The following ANK3 variants were observed in gnomAD, a reference collection of about 807,000 sequenced individuals.
ANK3 encodes the protein ankyrin 3.
ANK3 carries 57 observed loss-of-function variants against 370.9 expected under a neutral mutation model. That is an observed-to-expected ratio of 0.15 (90% CI 0.12 to 0.19). The LOEUF (loss-of-function observed/expected upper bound fraction) is 0.19. Ranked by LOEUF, ANK3 falls within the 10% of genes least tolerant of loss-of-function variation. The pLI, the probability that ANK3 is intolerant of heterozygous loss-of-function variation, is 1.00. For missense variants in ANK3, 4,439 were observed against 5,302.1 expected (o/e 0.84, Z 5.06); for synonymous variants, 1,929 against 1,946.3 (o/e 0.99, Z 0.23).
chr10:60,495,981 CTT>C (rs68150962), intron 2 of ANK3, among the ~76,000 whole-genome samples: 1 of 147,580 alleles, frequency 6.8e-6, no homozygotes, highest in African/African-American at 2.5e-5. Flanking sequence ...TTTCATTTTT[CTT>C]TTTTTTTTTT....
At chr10:60,463,326 T>G (rs1350137984) in intron 2 of ANK3, among the ~76,000 whole-genome samples, 1 of 152,174 alleles carries the variant, frequency 6.6e-6, no homozygotes, top group Non-Finnish European at 1.5e-5. Context: ...GATCTTGTTA[T>G]GGTATTTTTG....
At position 60,388,557 on chromosome 10, in the gene ANK3, T is replaced by C. The variant is rs189164704; in HGVS notation, c.114+868A>G. Among the ~76,000 whole-genome samples the C allele has an allele frequency of 6.0e-3, 916 of 152,286 alleles. 4 individuals carry two copies. Among genetic ancestry groups the C allele is most frequent in the Middle Eastern group, 0.01 (3 of 294 alleles). On this transcript the variant is annotated intron_variant, in intron 1 of 43. Transcript: ENST00000280772. ...TTAATTATCATGGAGGAAAAGTGCT[T>C]TGGGGTCTTACTCCCAGCTCAGTAC...
intron 23 of ANK3, among the ~76,000 whole-genome samples, chr10:60,157,335 C>CCT (rs1256172341): frequency 0.064 from 7,708 of 121,056 alleles, 584 homozygotes; most frequent in African/African-American, 0.2. Context: ...CTGTGCCCGG[C>CCT]TTTTTTTTTT....
intron 26 of ANK3, chr10:60,111,602 T>C: frequency 3.3e-6 from 1 of 302,600 alleles, no homozygotes; most frequent in African/African-American, 2.2e-5. Context: ...TACATGAATG[T>C]TTCTAGTTTT....
At chr10:60,043,194 A>G in intron 42 of ANK3, 1 of 987,574 alleles carries the variant, frequency 1.0e-6, no homozygotes, top group Middle Eastern at 5.2e-4. Context: ...ATTGCCAATG[A>G]CTTCCTCTTA....
In ANK3 at chr10:60,583,633, G is replaced by A. The variant is rs1173253484; in HGVS notation, c.96+31553C>T. 2.6e-5 allele frequency among the ~76,000 whole-genome samples: 4 copies of A among 151,156 alleles called. No individual in the cohort carries two copies. The East Asian group carries it at 5.9e-4, about 22-fold the overall frequency. ...AGTGGCGCTCCAGTTCTGTCACCCAGGTTGCAGTGGCACGATCTTGGCTCA... is the reference window on the plus strand; with the variant it reads ...AGTGGCGCTCCAGTTCTGTCACCCAAGTTGCAGTGGCACGATCTTGGCTCA... On this transcript the variant is annotated intron_variant, in intron 2 of 43. Transcript: ENST00000373827.
At chr10:60,392,675 T>TGG (rs2063136955), upstream of ANK3, among the ~76,000 whole-genome samples, 1 of 152,154 alleles carries the variant, frequency 6.6e-6, no homozygotes, top group Non-Finnish European at 1.5e-5. Context: ...ATGCCTATAA[T>TGG]CCCAGCACTT....
At chr10:60,049,227 G>T (rs894871900) in intron 42 of ANK3, among the ~76,000 whole-genome samples, 5 of 152,140 alleles carry the variant, frequency 3.3e-5, no homozygotes, top group African/African-American at 1.2e-4. Context: ...TTTATACAAT[G>T]CCTTCCTCAG....
At chr10:60,218,390 A>G (rs192140847) in intron 8 of ANK3, among the ~76,000 whole-genome samples, 8 of 151,748 alleles carry the variant, frequency 5.3e-5, no homozygotes, top group Non-Finnish European at 8.8e-5. Flanking sequence ...TAGTCTTTAT[A>G]TTTTGTCATG....
chr10:60,724,176 C>G (rs1458193702), intron 1 of ANK3, among the ~76,000 whole-genome samples: 1 of 128,696 alleles, frequency 7.8e-6, no homozygotes, highest in Non-Finnish European at 1.6e-5. Flanking sequence ...CGCCACTGCA[C>G]TCCAGCCTGG....
At chr10:60,289,095 A>C (rs1272268923) in intron 1 of ANK3, among the ~76,000 whole-genome samples, 1 of 152,102 alleles carries the variant, frequency 6.6e-6, no homozygotes, top group Non-Finnish European at 1.5e-5. Flanking sequence ...TGTGATAAGA[A>C]GACCTAGGGG....
chr10:60,730,355 G>A (rs1326554392), intron 1 of ANK3, among the ~76,000 whole-genome samples: 2 of 151,958 alleles, frequency 1.3e-5, no homozygotes, highest in African/African-American at 4.8e-5. Context: ...ACAGGGTCTC[G>A]CTATATTACC....
At chr10:60,468,072 C>T (rs1266116786) in intron 2 of ANK3, among the ~76,000 whole-genome samples, 2 of 151,264 alleles carry the variant, frequency 1.3e-5, no homozygotes, top group Non-Finnish European at 2.9e-5. Flanking sequence ...GCAATCTCCG[C>T]CTCCTGGGTT....
At chr10:60,687,314 A>G (rs1374714823) in intron 1 of ANK3, among the ~76,000 whole-genome samples, 2 of 152,228 alleles carry the variant, frequency 1.3e-5, no homozygotes, top group Non-Finnish European at 2.9e-5. Flanking sequence ...TCTCCAAAAT[A>G]TATAAGAAGC....
At chr10:60,489,120 T>A (rs1029561213) in intron 2 of ANK3, among the ~76,000 whole-genome samples, 1 of 152,158 alleles carries the variant, frequency 6.6e-6, no homozygotes, top group Admixed American at 6.5e-5. Flanking sequence ...TCTCAAGAAA[T>A]GTATAATCCA....
chr10:60,235,558 T>G lies in ANK3; in HGVS notation c.799-772A>C, dbSNP rs969665777. ...CAATTCCCTGATTTCTTGTTTTTTT[T>G]TTTTTTTTTTTTTTTTTTCTTTTTA... is the stretch of plus-strand genomic sequence containing the variant. On this transcript the variant is annotated intron_variant, in intron 7 of 43. Transcript: ENST00000280772. Among the ~76,000 whole-genome samples the G allele has an allele frequency of 3.8e-3, 236 of 61,964 alleles. 1 individual carries two copies. Among genetic ancestry groups the G allele is most frequent in the African/African-American group, 8.8e-3 (225 of 25,606 alleles). 40.7% of individuals were successfully genotyped at this position (61,964 alleles called of 152,430 possible). A position where few individuals can be genotyped will look rare whatever the true frequency, so the allele number is the denominator to read the frequency against.
At chr10:60,095,357 G>A (rs1292427403) in intron 28 of ANK3, among the ~76,000 whole-genome samples, 1 of 152,170 alleles carries the variant, frequency 6.6e-6, no homozygotes, top group South Asian at 2.1e-4. Context: ...TACTAGTAGA[G>A]ACTGGTTATT....
intron 2 of ANK3, among the ~76,000 whole-genome samples, chr10:60,560,535 C>T (rs2068042): frequency 0.68 from 102,800 of 152,038 alleles, 35,515 homozygotes; most frequent in South Asian, 0.88. Context: ...AGACATTTAA[C>T]TTTAATTTTT....
chr10:60,226,537 CA>C (rs2097158293), intron 8 of ANK3, among the ~76,000 whole-genome samples: 3 of 44,878 alleles, frequency 6.7e-5, no homozygotes, highest in East Asian at 1.8e-3. Flanking sequence ...AGTATATATA[CA>C]TAGTATATAT....
Sources: gnomAD v4.1 joint callset for allele counts (sites outside exome capture counted in the v4.1 genomes callset) on GRCh38, gnomAD v4.1.1 for gene constraint, MANE v1.5 for transcripts, NCBI Gene and HGNC (gene_info 2026-07-23, HGNC 2026-07-21) for gene names.